Variants in HTT observed in about 807,000 individuals in gnomAD.
HTT encodes the protein huntingtin.
In HTT, 104 loss-of-function variants were observed where a neutral mutation model predicts 362.3. The observed-to-expected ratio is 0.29, with a 90% CI of 0.24 to 0.34. The LOEUF is 0.34. Among genes scored for constraint, HTT ranks in the 10% least tolerant of loss-of-function variants. The pLI is 1.00. For synonymous variants in HTT, 1,577 were observed against 1,548.7 expected (o/e 1.02, Z -0.43); for missense variants, 3,301 against 3,928.6 (o/e 0.84, Z 4.27).
chr4:3,077,504 C>T (rs1267604307), intron 1 of HTT, among the ~76,000 whole-genome samples: 1 of 152,202 alleles, frequency 6.6e-6, no homozygotes, highest in African/African-American at 2.4e-5. Flanking sequence ...ACTGCAGTCT[C>T]TGCCTCCCAG....
rs149012954 is a variant in HTT, at chr4:3,119,889, A to G, written c.1069-1339A>G. 1.5e-3 allele frequency among the ~76,000 whole-genome samples: 226 copies of G among 152,334 alleles called. 1 individual carries two copies. Among genetic ancestry groups the G allele is most frequent in the African/African-American group, 5.2e-3 (217 of 41,584 alleles). ...AAATGTTTTGTGTAAGGGGCCAGAT[A>G]GTAAATATTTTCAGTCTTGCAGGCC... On this transcript the variant is annotated intron_variant, in intron 8 of 66. Transcript: ENST00000355072.
chr4:3,102,594 C>G (rs768838378), intron 3 of HTT, among the ~76,000 whole-genome samples: 10 of 152,196 alleles, frequency 6.6e-5, no homozygotes, highest in Non-Finnish European at 1.2e-4. Context: ...TTCAAGCTTG[C>G]TGACCCAATA....
intron 50 of HTT, among the ~76,000 whole-genome samples, chr4:3,214,757 C>T (rs10000252): frequency 0.017 from 2,517 of 152,246 alleles, 41 homozygotes; most frequent in Non-Finnish European, 0.027. Context: ...AAACAAAGAT[C>T]CAGGGATTAC....
At chr4:3,222,595 C>T (rs930726566) in intron 54 of HTT, 108 bp downstream of exon 54, 15 of 786,838 alleles carry the variant, frequency 1.9e-5, no homozygotes, top group Admixed American at 1.8e-4. Flanking sequence ...TTTTCTCTTA[C>T]CTTATTTTTG....
chr4:3,149,763 GC>G (rs925466275), intron 26 of HTT, among the ~76,000 whole-genome samples: 6 of 152,160 alleles, frequency 3.9e-5, no homozygotes, highest in African/African-American at 1.4e-4. Flanking sequence ...CCCAGCCTCA[GC>G]CCACAGAGCT....
intron 28 of HTT, among the ~76,000 whole-genome samples, chr4:3,159,142 C>G (rs1043260684): frequency 2.0e-5 from 3 of 152,188 alleles, no homozygotes; most frequent in African/African-American, 7.2e-5. Flanking sequence ...TCTCCACTCC[C>G]CATTTCTTGT....
In HTT at chr4:3,074,963, G is replaced by A; in HGVS notation, c.138G>A (p.Pro46=). The A allele has an allele frequency of 1.3e-6, 2 of 1,492,466 alleles. No individual in the cohort carries two copies. The highest frequency in any genetic ancestry group is 2.8e-5 in the East Asian group (1 of 35,596). 92.5% of individuals were successfully genotyped at this position (1,492,466 alleles called of 1,614,324 possible). A position where few individuals can be genotyped will look rare whatever the true frequency, so the allele number is the denominator to read the frequency against. The change falls in exon 1 of 67, where the codon CCG becomes CCA. Residue 46 remains proline (P), a synonymous_variant. Transcript: ENST00000355072. ...QQQPPPPPPP[P]PPPQLPQPPP... ...AGCCGCCACCGCCGCCGCCGCCGCC[G>A]CCGCCTCCTCAGCTTCCTCAGCCGC...
At position 3,241,039 on chromosome 4, in the gene HTT, C is replaced by T. The variant is rs757081569; in HGVS notation, c.*980C>T. 2.6e-5 allele frequency: 4 copies of T among 152,392 alleles called. No homozygotes were observed. Among genetic ancestry groups the T allele is most frequent in the African/African-American group, 7.2e-5 (3 of 41,456 alleles). 9.4% of individuals were successfully genotyped at this position (152,392 alleles called of 1,614,324 possible). On this transcript the variant is annotated 3_prime_UTR_variant, in exon 67 of 67. Transcript: ENST00000355072. ...GCCCTCCCTGGCTGTGAGCAGCCTC[C>T]ACTGTGTCCAGAGACATGGGCCTCC... is the stretch of plus-strand genomic sequence containing the variant.
intron 1 of HTT, among the ~76,000 whole-genome samples, chr4:3,080,039 A>G (rs1183143957): frequency 6.6e-6 from 1 of 152,228 alleles, no homozygotes; most frequent in East Asian, 1.9e-4. Flanking sequence ...AGAGCTTATC[A>G]GAAGACAAAA....
chr4:3,176,424 G>A (rs983928998), intron 33 of HTT, among the ~76,000 whole-genome samples: 3 of 152,152 alleles, frequency 2.0e-5, no homozygotes, highest in Non-Finnish European at 2.9e-5. Flanking sequence ...AAGAAAATCC[G>A]TCTAAATGGG....
chr4:3,147,264 A>G (rs1356244811), intron 25 of HTT, among the ~76,000 whole-genome samples: 2 of 152,170 alleles, frequency 1.3e-5, no homozygotes, highest in African/African-American at 4.8e-5. Context: ...AAGAAAGTAT[A>G]ATGTATGGAC....
Position 3,217,726 on chromosome 4 carries a change from G to T in HTT, c.7055-39G>T, listed in dbSNP as rs761086473. On this transcript the variant is annotated intron_variant, in intron 51 of 66. Coordinates refer to ENST00000355072, the MANE Select transcript of HTT (RefSeq NM_001388492.1). ...TTTCTACACTGGGCATATAGGATGT[G>T]TTTTTTAAAAAGTCCTCTCTTAACC... 2.2e-5 allele frequency: 35 copies of T among 1,564,438 alleles called. No individual in the cohort carries two copies. In the South Asian group the frequency reaches 4.0e-4, roughly 18 times the overall value.
At chr4:3,093,321 G>A (rs1329380685) in intron 2 of HTT, among the ~76,000 whole-genome samples, 1 of 152,112 alleles carries the variant, frequency 6.6e-6, no homozygotes, top group Non-Finnish European at 1.5e-5. Context: ...TGCCCACCTA[G>A]CCCCAGACTA....
intron 29 of HTT, among the ~76,000 whole-genome samples, chr4:3,165,674 C>T (rs1717666176): frequency 6.6e-6 from 1 of 151,966 alleles, no homozygotes; most frequent in Non-Finnish European, 1.5e-5. Flanking sequence ...TCTTCAATCA[C>T]TGATATCCTT....
chr4:3,166,624 C>T (rs530390275), intron 29 of HTT, among the ~76,000 whole-genome samples: 23 of 152,366 alleles, frequency 1.5e-4, no homozygotes, highest in African/African-American at 5.3e-4. Context: ...CATAGAACCA[C>T]CTACTCTAGC....
At position 3,187,781 on chromosome 4, in the gene HTT, C is replaced by G. The variant is rs904089472; in HGVS notation, c.5120C>G (p.Ser1707Cys). 6.2e-7 allele frequency: 1 copy of G among 1,612,234 alleles called. No homozygotes were observed. The highest frequency in any genetic ancestry group is 1.3e-5 in the African/African-American group (1 of 74,824). Reference protein sequence around the residue: ...QELSFSPYLISCTVINRLRDG... With the variant: ...QELSFSPYLICCTVINRLRDG... ...CTCTCCTTCTCTCCGTATTTAATCT[C>G]CTGTACAGTAATTAATAGGTTAAGA... The change falls in exon 39 of 67, where the codon TCC becomes TGC. Residue 1707 changes from serine to cysteine, a missense_variant. By Grantham distance (112) the Ser-to-Cys change is moderately radical. This residue lies in a region of HTT where 2,316 missense variants were observed against 2,658.5 expected (regional missense o/e 0.87). Coordinates refer to ENST00000355072, the MANE Select transcript of HTT (RefSeq NM_001388492.1).
chr4:3,222,121 C>T (rs1720701002), intron 53 of HTT, among the ~76,000 whole-genome samples: 1 of 152,260 alleles, frequency 6.6e-6, no homozygotes, highest in African/African-American at 2.4e-5. Context: ...GGGGGTTGAC[C>T]AGGCTGCCAG....
At chr4:3,081,546 A>ATTTTTT (rs1712897893) in intron 1 of HTT, among the ~76,000 whole-genome samples, 2 of 119,448 alleles carry the variant, frequency 1.7e-5, no homozygotes, top group Non-Finnish European at 1.8e-5. Flanking sequence ...TTTGGAAAGC[A>ATTTTTT]TTTCTTTTTT....
chr4:3,210,034 C>G, intron 47 of HTT, 85 bp downstream of exon 47: 1 of 1,524,298 alleles, frequency 6.6e-7, no homozygotes, highest in Admixed American at 1.7e-5. Context: ...ATGTGACCCA[C>G]TTGTTGACAA....
Sources: gnomAD v4.1 joint callset for allele counts (sites outside exome capture counted in the v4.1 genomes callset) on GRCh38, gnomAD v4.1.1 for gene constraint, gnomAD v4.1.1 regional missense constraint, MANE v1.5 for transcripts, NCBI Gene and HGNC (gene_info 2026-07-23, HGNC 2026-07-21) for gene names.